The following HEATR5A variants were observed in gnomAD, a reference collection of about 807,000 sequenced individuals.
HEATR5A encodes the protein HEAT repeat containing 5A.
A neutral mutation model predicts 218.8 loss-of-function variants in HEATR5A; 178 were observed. The ratio of observed to expected loss-of-function variants is 0.81; its 90% CI spans 0.72 to 0.92. The LOEUF is 0.92. HEATR5A is among the 40% of genes least tolerant of loss of function. The pLI is 0.00. For synonymous variants in HEATR5A, 864 were observed against 871.6 expected (o/e 0.99, Z 0.15); for missense variants, 2,420 against 2,418.9 (o/e 1.00, Z -0.01).
intron 22 of HEATR5A, among the ~76,000 whole-genome samples, chr14:31,331,957 G>C (rs981440522): frequency 3.9e-5 from 6 of 152,172 alleles, no homozygotes; most frequent in African/African-American, 1.4e-4. Flanking sequence ...ATGAGATTTG[G>C]ATTGGGACAC....
At chr14:31,340,776 C>T (rs1376419346) in intron 21 of HEATR5A, among the ~76,000 whole-genome samples, 1 of 149,602 alleles carries the variant, frequency 6.7e-6, no homozygotes, top group African/African-American at 2.4e-5. Context: ...AGTATCAAAC[C>T]CAATCAAGTA....
At chr14:31,374,184 T>C (rs1036302097) in intron 12 of HEATR5A, among the ~76,000 whole-genome samples, 4 of 151,526 alleles carry the variant, frequency 2.6e-5, no homozygotes, top group African/African-American at 9.7e-5. Context: ...CATGCACCTG[T>C]GGTCTCAGCT....
Position 31,400,432 on chromosome 14 carries a change from G to A in HEATR5A, c.207C>T (p.Arg69=). The A allele has an allele frequency of 6.5e-7, 1 of 1,535,946 alleles. No homozygotes were observed. Among genetic ancestry groups the A allele is most frequent in the African/African-American group, 1.4e-5 (1 of 73,146 alleles). ...TGGCTAGATTCTTAGCAAGCAGTTT[G>A]CGGGTAGGAGGCCCTGGGGAGCTGT... ...LLNSSPGPPT[R]KLLAKNLAIL... The change falls in exon 3 of 36, where the codon CGC becomes CGT. Residue 69 remains arginine (R), a synonymous_variant. Coordinates refer to ENST00000543095, the MANE Select transcript of HEATR5A (RefSeq NM_015473.4).
intron 30 of HEATR5A, among the ~76,000 whole-genome samples, chr14:31,307,323 G>A (rs1747630321): frequency 6.6e-6 from 1 of 152,142 alleles, no homozygotes; most frequent in African/African-American, 2.4e-5. Context: ...TCTGCCCAAT[G>A]CATACTTGCC....
chr14:31,345,053 T>C (rs1900976851), intron 20 of HEATR5A, 34 bp downstream of exon 20: 1 of 1,553,806 alleles, frequency 6.4e-7, no homozygotes, highest in South Asian at 1.2e-5. Flanking sequence ...GTATTATTTT[T>C]AATGTAAAAC....
In HEATR5A at chr14:31,334,004, C is replaced by T. The variant is rs572676980; in HGVS notation, c.3367+3472G>A. Among the ~76,000 whole-genome samples the T allele has an allele frequency of 1.9e-4, 27 of 145,698 alleles. 2 individuals carry two copies. The South Asian group carries it at 5.7e-3, about 31-fold the overall frequency. The stretch of plus-strand genomic sequence containing the variant: ...AGTGAGCCCAGGTCGTGCCACTGCA[C>T]TCCAGCCAGGGCGACAGAGACAGAC... On this transcript the variant is annotated intron_variant, in intron 22 of 35. Transcript: ENST00000543095.
At chr14:31,359,939 T>A (rs192088788) in intron 14 of HEATR5A, among the ~76,000 whole-genome samples, 28 of 152,110 alleles carry the variant, frequency 1.8e-4, no homozygotes, top group African/African-American at 5.3e-4. Flanking sequence ...ACATTATTTT[T>A]AAGAAAACCC....
chr14:31,348,061 A>G (rs1433935024), intron 18 of HEATR5A, among the ~76,000 whole-genome samples, 154 bp from the exon 19 acceptor site: 1 of 152,236 alleles, frequency 6.6e-6, no homozygotes, highest in Non-Finnish European at 1.5e-5. Context: ...AAAACTTCTG[A>G]AGTAACCGAA....
intron 21 of HEATR5A, 94 bp downstream of exon 21, chr14:31,343,802 G>T: frequency 9.6e-7 from 1 of 1,037,388 alleles, no homozygotes; most frequent in Non-Finnish European, 1.3e-6. Context: ...ACATAACTTT[G>T]TACATAGTCT....
In HEATR5A at chr14:31,371,885, C is replaced by T; in HGVS notation, c.1886G>A (p.Cys629Tyr). ...LCAIKSFVSH[C>Y]GDLLTEEVTQ... is the part of the protein sequence containing the mutation. ...TACTTCCTCAGTAAGAAGATCACCA[C>T]AGTGGGAAACAAAGCTCTTGATAGC... Residue 629 changes from cysteine (C) to tyrosine (Y), a missense_variant, in exon 13 of 36, where the codon TGT becomes TAT. By Grantham distance (194) the Cys-to-Tyr change is radical. Transcript: ENST00000543095. The T allele has an allele frequency of 6.5e-7, 1 of 1,543,460 alleles. No individual in the cohort carries two copies. Among genetic ancestry groups the T allele is most frequent in the Non-Finnish European group, 8.8e-7 (1 of 1,141,014 alleles).
At chr14:31,370,588 C>A (rs1902002969) in intron 13 of HEATR5A, among the ~76,000 whole-genome samples, 1 of 152,170 alleles carries the variant, frequency 6.6e-6, no homozygotes, top group South Asian at 2.1e-4. Context: ...AATTTCACTA[C>A]TAGGTACATA....
At chr14:31,375,034 T>C in intron 11 of HEATR5A, 66 bp from the exon 12 acceptor site, 1 of 1,312,188 alleles carries the variant, frequency 7.6e-7, no homozygotes, top group Non-Finnish European at 1.0e-6. Flanking sequence ...AACTCTATTA[T>C]TAAGCAGCAA....
intron 21 of HEATR5A, among the ~76,000 whole-genome samples, chr14:31,342,759 T>TA (rs1900880806): frequency 6.6e-6 from 1 of 152,208 alleles, no homozygotes; most frequent in South Asian, 2.1e-4. Context: ...ATGTGTTACT[T>TA]TATTTAACTT....
intron 1 of HEATR5A, among the ~76,000 whole-genome samples, chr14:31,417,580 T>A (rs2031495314): frequency 6.8e-6 from 1 of 147,060 alleles, no homozygotes; most frequent in Admixed American, 6.8e-5. Flanking sequence ...CAAGACTCTG[T>A]CTCAAAAAAA....
chr14:31,349,829 C>A lies in HEATR5A; in HGVS notation c.2668G>T (p.Gly890Ter). ...TGAGCTAATCCAGCAGTAAAAGCTCCATCATCTACCACTTGGGCTAATCTA... is the reference window on the plus strand; with the variant it reads ...TGAGCTAATCCAGCAGTAAAAGCTCAATCATCTACCACTTGGGCTAATCTA... ...WARLAQVVDDGAFTAGLAQVS... is the reference protein window; with the variant it reads ...WARLAQVVDD Residue 890 changes from glycine to a stop codon, truncating the protein, a stop_gained, in exon 18 of 36, where the codon GGA becomes TGA. Transcript: ENST00000543095. LOFTEE classifies it high-confidence loss of function. The A allele has an allele frequency of 6.2e-7, 1 of 1,613,186 alleles. No homozygotes were observed. Among genetic ancestry groups the A allele is most frequent in the Non-Finnish European group, 8.5e-7 (1 of 1,179,324 alleles).
In HEATR5A at chr14:31,395,054, C is replaced by T. The variant is rs2030603689; in HGVS notation, c.597+145G>A. The T allele has an allele frequency of 8.2e-6, 4 of 488,440 alleles. No individual in the cohort carries two copies. The South Asian group carries it at 2.0e-4, about 25-fold the overall frequency. The allele number at this position is 488,440 out of a possible 1,614,324, so 30.3% of individuals were successfully genotyped here. ...TGAACCTTGGGAAATTCATATAACT[C>T]TGGGCCTTAGTTTCCTCATATGTTA... is the stretch of plus-strand genomic sequence containing the variant. On this transcript the variant is annotated intron_variant, in intron 5 of 35. Transcript: ENST00000543095.
At chr14:31,316,599 G>A (rs1399042844) in intron 26 of HEATR5A, among the ~76,000 whole-genome samples, 1 of 152,218 alleles carries the variant, frequency 6.6e-6, no homozygotes, top group African/African-American at 2.4e-5. Flanking sequence ...TGATTGTTTT[G>A]AAGACAGTGT....
chr14:31,330,460 C>T (rs1032124409), intron 22 of HEATR5A, among the ~76,000 whole-genome samples: 8 of 151,996 alleles, frequency 5.3e-5, no homozygotes, highest in African/African-American at 1.9e-4. Context: ...TTTGACATGC[C>T]CTGGAGACAT....
At chr14:31,327,577 C>T (rs1001342157) in intron 22 of HEATR5A, among the ~76,000 whole-genome samples, 1 of 152,028 alleles carries the variant, frequency 6.6e-6, no homozygotes, top group Non-Finnish European at 1.5e-5. Context: ...AGGCATGAGC[C>T]ACCACGCCTG....
Sources: allele counts gnomAD v4.1 joint callset (sites outside exome capture counted in the v4.1 genomes callset), GRCh38; gene constraint gnomAD v4.1.1; transcripts MANE v1.5; gene names NCBI Gene and HGNC (gene_info 2026-07-23, HGNC 2026-07-21).